The following RGL1 variants were observed in gnomAD, a reference collection of about 807,000 sequenced individuals.
The protein encoded by RGL1 is ral guanine nucleotide dissociation stimulator like 1, also known as ral guanine nucleotide dissociation stimulator-like 1.
A neutral mutation model predicts 95.2 loss-of-function variants in RGL1; 24 were observed. The ratio of observed to expected loss-of-function variants is 0.25; its 90% CI spans 0.18 to 0.35. The LOEUF is 0.35. Among genes scored for constraint, RGL1 ranks in the 10% least tolerant of loss-of-function variants. The pLI is 1.00. For missense variants in RGL1, 715 were observed against 936.3 expected, an observed-to-expected ratio of 0.76 and a Z score of 3.08; for synonymous variants, 329 against 344.9, an observed-to-expected ratio of 0.95 and a Z score of 0.51.
At chr1:183,846,966 G>T (rs949817682) in intron 2 of RGL1, among the ~76,000 whole-genome samples, 1 of 152,096 alleles carries the variant, frequency 6.6e-6, no homozygotes, top group African/African-American at 2.4e-5. Flanking sequence ...TTAAAAATGC[G>T]CTTGGTAAAA....
intron 14 of RGL1, 98 bp downstream of exon 14, chr1:183,907,199 T>C (rs1292817835): frequency 4.2e-6 from 3 of 713,064 alleles, no homozygotes; most frequent in Non-Finnish European, 7.6e-6. Context: ...AGGGTGAAAG[T>C]GAAGAGCACT....
intron 2 of RGL1, among the ~76,000 whole-genome samples, chr1:183,751,863 C>T (rs1357563485): frequency 6.6e-6 from 1 of 152,146 alleles, no homozygotes; most frequent in African/African-American, 2.4e-5. Context: ...CTTATGCTTG[C>T]TCTCCATGGG....
At chr1:183,712,986 C>T (rs769888954) in intron 1 of RGL1, among the ~76,000 whole-genome samples, 37 of 152,112 alleles carry the variant, frequency 2.4e-4, no homozygotes, top group Non-Finnish European at 5.0e-4. Flanking sequence ...CATGGCCTTC[C>T]TTTGCCTTTG....
chr1:183,822,323 A>G (rs1468703903), intron 2 of RGL1, among the ~76,000 whole-genome samples: 2 of 147,606 alleles, frequency 1.4e-5, no homozygotes, highest in African/African-American at 2.5e-5. Flanking sequence ...TGACTTTTTA[A>G]AAACAATTGC....
chr1:183,724,732 TG>T lies in RGL1; in HGVS notation c.-32-17388del, dbSNP rs901100076. ...GGTATCTCTGGACCTGCCTGGGGCC[TG>T]GGGGGAGCTTGCCATCCTTAAGCGA... On this transcript the variant is annotated intron_variant, in intron 1 of 18. Transcript: ENST00000304685. This position sits in a 1 kb window ranked among gnomAD's most constrained non-coding sequence, Gnocchi z 4.1. 1.2e-4 allele frequency among the ~76,000 whole-genome samples: 19 copies of T among 152,080 alleles called. No homozygotes were observed. Among genetic ancestry groups the T allele is most frequent in the Non-Finnish European group, 7.4e-5 (5 of 67,998 alleles).
intron 1 of RGL1, among the ~76,000 whole-genome samples, chr1:183,704,202 A>G (rs772268813): frequency 1.2e-4 from 19 of 152,200 alleles, no homozygotes; most frequent in Admixed American, 2.6e-4. Flanking sequence ...TCTGCAATGA[A>G]TGATGGCAAC....
chr1:183,913,740 G>C (rs1572597677), intron 15 of RGL1, among the ~76,000 whole-genome samples: 2 of 152,278 alleles, frequency 1.3e-5, no homozygotes, highest in Middle Eastern at 6.8e-3. Flanking sequence ...TTCACATGGT[G>C]TTAAAACAAC....
chr1:183,879,390 T>A (rs1176341330), intron 4 of RGL1, among the ~76,000 whole-genome samples: 1 of 152,262 alleles, frequency 6.6e-6, no homozygotes, highest in African/African-American at 2.4e-5. Flanking sequence ...GCCTTCACTT[T>A]CACATATGTG....
Position 183,926,081 on chromosome 1 carries a change from C to G in RGL1, c.2120-24C>G, listed in dbSNP as rs763205870. The G allele has an allele frequency of 3.1e-6, 5 of 1,603,746 alleles. No individual in the cohort carries two copies. In the Admixed American group the frequency reaches 8.4e-5, roughly 27 times the overall value. ...GAGCTGACCTCCACAAGCTGACCATCTTATCTTTCCTTATCTTTTTCAGAA... is the reference window on the plus strand; with the variant it reads ...GAGCTGACCTCCACAAGCTGACCATGTTATCTTTCCTTATCTTTTTCAGAA... On this transcript the variant is annotated intron_variant, in intron 17 of 17. Coordinates refer to ENST00000360851, the MANE Select transcript of RGL1 (RefSeq NM_001297671.3).
At chr1:183,677,090 G>A (rs1225495799) in intron 1 of RGL1, among the ~76,000 whole-genome samples, 1 of 151,630 alleles carries the variant, frequency 6.6e-6, no homozygotes, top group Non-Finnish European at 1.5e-5. Context: ...GCCCAGGGTA[G>A]CCCTAGTTTT....
intron 1 of RGL1, among the ~76,000 whole-genome samples, chr1:183,657,710 T>C (rs1329853695): frequency 4.6e-5 from 7 of 151,830 alleles, no homozygotes; most frequent in South Asian, 2.1e-4. Flanking sequence ...TTTGGGTTGG[T>C]TCCAAGTCTT....
At chr1:183,744,219 A>G (rs756112321) in intron 2 of RGL1, among the ~76,000 whole-genome samples, 8 of 152,180 alleles carry the variant, frequency 5.3e-5, no homozygotes, top group Non-Finnish European at 8.8e-5. Flanking sequence ...GACAATTCCA[A>G]TCCAAGGAAG....
At position 183,900,254 on chromosome 1, in the gene RGL1, G is replaced by A. The variant is rs748377352; in HGVS notation, c.1317+18G>A. On this transcript the variant is annotated intron_variant, in intron 11 of 17. Transcript: ENST00000360851. ...ACATCGAGGTGAGTTCCATGTGGGT[G>A]GTGTGATCGGGCCTGCAGCCTTCCC... 3 of 1,598,394 alleles carry A rather than the reference G, an allele frequency of 1.9e-6. No homozygotes were observed. The highest frequency in any genetic ancestry group is 2.2e-5 in the East Asian group (1 of 44,772).
In RGL1 at chr1:183,927,323, T is replaced by G. The variant is rs962869828; in HGVS notation, c.*1031T>G. 6.6e-6 allele frequency: 1 copy of G among 152,578 alleles called. No individual in the cohort carries two copies. Among genetic ancestry groups the G allele is most frequent in the African/African-American group, 2.4e-5 (1 of 41,436 alleles). The allele number at this position is 152,578 out of a possible 1,614,324, so 9.5% of individuals were successfully genotyped here. Reference sequence around the variant, plus strand: ...CAATTTATTCCTCAGGTGTGGAAATTTCTACTGCAATTGACTACGTTTGAT... The same window carrying G: ...CAATTTATTCCTCAGGTGTGGAAATGTCTACTGCAATTGACTACGTTTGAT... On this transcript the variant is annotated 3_prime_UTR_variant, in exon 18 of 18. Coordinates refer to ENST00000360851, the MANE Select transcript of RGL1 (RefSeq NM_001297671.3).
rs774073599 is a variant in RGL1 at position 183,892,045 on chromosome 1, A to C, written c.1056-32A>C. On this transcript the variant is annotated intron_variant, in intron 8 of 17. Coordinates refer to ENST00000360851, the MANE Select transcript of RGL1 (RefSeq NM_001297671.3). ...AGTGTCGGGTTATTCCTAACTCTTC[A>C]TTGTTAATATTTTCTTAATCCCTTT... 10 of 1,550,622 alleles carry C rather than the reference A, an allele frequency of 6.4e-6. No individual in the cohort carries two copies. In the East Asian group the frequency reaches 9.0e-5, roughly 14 times the overall value.
At chr1:183,858,427 G>A (rs757100897) in intron 3 of RGL1, among the ~76,000 whole-genome samples, 2 of 152,138 alleles carry the variant, frequency 1.3e-5, no homozygotes, top group Non-Finnish European at 2.9e-5. Context: ...AGTGTCCCTA[G>A]CGTGGTAACA....
At chr1:183,898,507 C>A (rs777084469) in intron 10 of RGL1, among the ~76,000 whole-genome samples, 11 of 152,186 alleles carry the variant, frequency 7.2e-5, no homozygotes, top group Non-Finnish European at 1.5e-4. Context: ...TGACTGTTAG[C>A]ATAAAGTGTG....
At chr1:183,805,997 T>TAAAGAA (rs1661302049) in intron 1 of RGL1, among the ~76,000 whole-genome samples, 1 of 80,560 alleles carries the variant, frequency 1.2e-5, no homozygotes. Context: ...TTTTTTTTTT[T>TAAAGAA]TTTTTTTTTT....
At chr1:183,846,215 A>T (rs575880294) in intron 2 of RGL1, among the ~76,000 whole-genome samples, 14 of 152,326 alleles carry the variant, frequency 9.2e-5, no homozygotes, top group Admixed American at 7.8e-4. Context: ...GTGCAGCCAT[A>T]AAAAAGGATG....
Sources: gnomAD v4.1 joint callset for allele counts (sites outside exome capture counted in the v4.1 genomes callset) on GRCh38, gnomAD v4.1.1 for gene constraint, Gnocchi (gnomAD v3.1) non-coding constraint, MANE v1.5 for transcripts, NCBI Gene and HGNC (gene_info 2026-07-23, HGNC 2026-07-21) for gene names.